Variants in APCDD1 observed in about 807,000 individuals in gnomAD.
APCDD1 encodes protein APCDD1.
A neutral mutation model predicts 38.1 loss-of-function variants in APCDD1; 15 were observed. That is an observed-to-expected ratio of 0.39 (90% confidence interval 0.26 to 0.61). The LOEUF is 0.61. APCDD1 is among the 20% of genes least tolerant of loss of function. The pLI is 0.49. For synonymous variants in APCDD1, 261 were observed against 279.7 expected (o/e 0.93, Z 0.67); for missense variants, 647 against 696.2 (o/e 0.93, Z 0.79).
rs369016021 is a variant in APCDD1 at position 10,460,346 on chromosome 18, C to T, written c.58+5307C>T. ...TTGGAGACCAGCCTGGCCAACGCGGCGAAACCCCGTCTCTACTAAAAAATA... is the reference window on the plus strand; with the variant it reads ...TTGGAGACCAGCCTGGCCAACGCGGTGAAACCCCGTCTCTACTAAAAAATA... On this transcript the variant is annotated intron_variant, in intron 1 of 4. Coordinates refer to ENST00000355285, the MANE Select transcript of APCDD1 (RefSeq NM_153000.5). Among the ~76,000 whole-genome samples, 642 of 152,116 alleles carry T rather than the reference C, an allele frequency of 4.2e-3. 3 individuals carry two copies. Among genetic ancestry groups the T allele is most frequent in the African/African-American group, 0.013 (553 of 41,514 alleles).
At chr18:10,481,814 T>C (rs1426246423) in intron 3 of APCDD1, among the ~76,000 whole-genome samples, 1 of 143,762 alleles carries the variant, frequency 7.0e-6, no homozygotes, top group South Asian at 2.3e-4. Flanking sequence ...GCGCCTGTGC[T>C]CTCCACAAGA....
chr18:10,460,640 A>C (rs2030517353), intron 1 of APCDD1, among the ~76,000 whole-genome samples: 1 of 152,220 alleles, frequency 6.6e-6, no homozygotes, highest in Non-Finnish European at 1.5e-5. Flanking sequence ...TATATGTCGC[A>C]ATGATTCAAG....
intron 1 of APCDD1, among the ~76,000 whole-genome samples, chr18:10,459,319 C>CAT (rs1174940322): frequency 6.8e-6 from 1 of 147,672 alleles, no homozygotes; most frequent in Non-Finnish European, 1.5e-5. Context: ...CAAGCGTGCA[C>CAT]ACACACACAC....
In APCDD1 at chr18:10,466,319, G is replaced by A. The variant is rs575637442; in HGVS notation, c.59-2150G>A. On this transcript the variant is annotated intron_variant, in intron 1 of 4. Transcript: ENST00000355285. ...CTCCCCTACTCTGGTTCAGAACTAA[G>A]GGGGCGTTCAACACGAGGGTGAGGC... Among the ~76,000 whole-genome samples the A allele has an allele frequency of 2.0e-5, 3 of 152,298 alleles. No individual in the cohort carries two copies. In the South Asian group the frequency reaches 6.2e-4, roughly 32 times the overall value.
In APCDD1 at chr18:10,470,869, A is replaced by G. The variant is rs1282892413; in HGVS notation, c.243-661A>G. Among the ~76,000 whole-genome samples the G allele has an allele frequency of 6.6e-6, 1 of 152,228 alleles. No individual in the cohort carries two copies. The highest frequency in any genetic ancestry group is 1.9e-4 in the East Asian group (1 of 5,192). On this transcript the variant is annotated intron_variant, in intron 2 of 4. Transcript: ENST00000355285. This position sits in a 1 kb window ranked among gnomAD's most constrained non-coding sequence, Gnocchi z 4.1. Reference sequence around the variant, plus strand: ...TTCATCTAAGGCCACACTGGCAACCATCATAAACAAAAGGAACCCTTATTT... The same window carrying G: ...TTCATCTAAGGCCACACTGGCAACCGTCATAAACAAAAGGAACCCTTATTT...
In APCDD1 at chr18:10,485,636, GACA is replaced by G. The variant is rs780375942; in HGVS notation, c.959_961del (p.Asn320del). 7.4e-5 allele frequency: 119 copies of G among 1,614,110 alleles called. No homozygotes were observed. In the East Asian group the frequency reaches 1.1e-3, roughly 15 times the overall value. The stretch of plus-strand genomic sequence containing the variant: ...CCTCACCCGCCACTTCATCTTCCAT[GACA>G]ACAACAACACCTGGGAGGGCCACTA... On this transcript the variant is annotated inframe_deletion, in exon 4 of 5. Coordinates refer to ENST00000355285, the MANE Select transcript of APCDD1 (RefSeq NM_153000.5). The surrounding 1 kb of genome is among the most constrained non-coding windows in gnomAD (Gnocchi z 5.8).
intron 3 of APCDD1, among the ~76,000 whole-genome samples, chr18:10,481,053 C>T (rs934816884): frequency 1.3e-5 from 2 of 152,118 alleles, no homozygotes; most frequent in Admixed American, 6.5e-5. Context: ...TAGAAAATAT[C>T]CAGTATTGGG....
At chr18:10,462,013 G>A (rs1379203882) in intron 1 of APCDD1, among the ~76,000 whole-genome samples, 2 of 152,160 alleles carry the variant, frequency 1.3e-5, no homozygotes, top group African/African-American at 4.8e-5. Flanking sequence ...TACAGGCACG[G>A]TAGTGCCTTA....
chr18:10,482,326 C>T (rs906495545), intron 3 of APCDD1, among the ~76,000 whole-genome samples: 2 of 152,092 alleles, frequency 1.3e-5, no homozygotes, highest in African/African-American at 2.4e-5. Context: ...TGGGGAATGG[C>T]GCAGAGGGGA....
At chr18:10,480,451 A>G (rs1031684708) in intron 3 of APCDD1, among the ~76,000 whole-genome samples, 1 of 152,246 alleles carries the variant, frequency 6.6e-6, no homozygotes, top group African/African-American at 2.4e-5. Context: ...TATGAGAATT[A>G]GCATAAATGA....
rs1054397047 is a variant in APCDD1, at chr18:10,469,722, G to T, written c.242+1070G>T. On this transcript the variant is annotated intron_variant, in intron 2 of 4. Transcript: ENST00000355285. This position sits in a 1 kb window ranked among gnomAD's most constrained non-coding sequence, Gnocchi z 5.5. ...GGAGTTCAGAAAGCCTACCAAAGAA[G>T]GGGACCCTTGAGCTGAGACATTGTT... Among the ~76,000 whole-genome samples, 2 of 152,158 alleles carry T rather than the reference G, an allele frequency of 1.3e-5. No homozygotes were observed. Among genetic ancestry groups the T allele is most frequent in the African/African-American group, 4.8e-5 (2 of 41,432 alleles).
intron 1 of APCDD1, among the ~76,000 whole-genome samples, chr18:10,458,687 T>C (rs1805921739): frequency 6.6e-6 from 1 of 152,224 alleles, no homozygotes; most frequent in Non-Finnish European, 1.5e-5. Flanking sequence ...GTCTGTGTAA[T>C]TACATACTAC....
chr18:10,479,418 G>A (rs2031083052), intron 3 of APCDD1, among the ~76,000 whole-genome samples: 1 of 152,160 alleles, frequency 6.6e-6, no homozygotes, highest in Non-Finnish European at 1.5e-5. Flanking sequence ...TTCCATTCTG[G>A]GAAGATGGCG....
intron 3 of APCDD1, among the ~76,000 whole-genome samples, chr18:10,478,494 T>A (rs2031059438): frequency 6.6e-6 from 1 of 152,284 alleles, no homozygotes; most frequent in African/African-American, 2.4e-5. Flanking sequence ...ACCAGCATGG[T>A]GGGAGGCTGG....
chr18:10,488,758 G>A lies in APCDD1; in HGVS notation c.*720G>A, dbSNP rs920132193. On this transcript the variant is annotated 3_prime_UTR_variant, in exon 5 of 5. Coordinates refer to ENST00000355285, the MANE Select transcript of APCDD1 (RefSeq NM_153000.5). The stretch of plus-strand genomic sequence containing the variant: ...GAGGAGACTGGCTTGTTGGCTTCTG[G>A]TTGTTGCAGGAGGCATGTGGCTTCC... 1.4e-5 allele frequency: 2 copies of A among 143,334 alleles called. No individual in the cohort carries two copies. Among genetic ancestry groups the A allele is most frequent in the Admixed American group, 7.0e-5 (1 of 14,218 alleles). 8.9% of individuals were successfully genotyped at this position (143,334 alleles called of 1,614,324 possible). A position where few individuals can be genotyped will look rare whatever the true frequency, so the allele number is the denominator to read the frequency against.
At chr18:10,482,391 C>G (rs974591909) in intron 3 of APCDD1, among the ~76,000 whole-genome samples, 2 of 152,146 alleles carry the variant, frequency 1.3e-5, no homozygotes, top group Non-Finnish European at 2.9e-5. Flanking sequence ...GGGGACCTGC[C>G]CAGGCGGAGG....
Position 10,487,648 on chromosome 18 carries a change from C to T in APCDD1, c.1155C>T (p.Phe385=), listed in dbSNP as rs1164381588. ...DAATASLLNV[F]NGNECGAEGS... ...CCACAGCCTCACTGCTCAACGTCTT[C>T]AACGGGAATGAGTGCGGGGCCGAGG... The change falls in exon 5 of 5, where the codon TTC becomes TTT. Residue 385 remains phenylalanine (F), a synonymous_variant. Coordinates refer to ENST00000355285, the MANE Select transcript of APCDD1 (RefSeq NM_153000.5). 4 of 1,614,186 alleles carry T rather than the reference C, an allele frequency of 2.5e-6. No homozygotes were observed. Among genetic ancestry groups the T allele is most frequent in the Admixed American group, 3.3e-5 (2 of 60,032 alleles).
chr18:10,468,352 A>C, intron 1 of APCDD1, 117 bp from the exon 2 acceptor site: 1 of 1,103,764 alleles, frequency 9.1e-7, no homozygotes, highest in Non-Finnish European at 1.4e-6. Flanking sequence ...GACACCTTGT[A>C]GAATAAACAA....
At chr18:10,455,130 G>T (rs1453403260) in intron 1 of APCDD1, 91 bp downstream of exon 1, 2 of 1,526,898 alleles carry the variant, frequency 1.3e-6, no homozygotes, top group African/African-American at 2.8e-5. Flanking sequence ...CTGGATCGCG[G>T]CACGGCCTAC....
Sources: gnomAD v4.1 joint callset for allele counts (sites outside exome capture counted in the v4.1 genomes callset) on GRCh38, gnomAD v4.1.1 for gene constraint, Gnocchi (gnomAD v3.1) non-coding constraint, MANE v1.5 for transcripts, NCBI Gene and HGNC (gene_info 2026-07-23, HGNC 2026-07-21) for gene names.